The following OLFM2 variants were observed in gnomAD, a reference collection of about 807,000 sequenced individuals.
OLFM2 encodes the protein olfactomedin 2, also known as noelin-2.
Under a neutral mutation model 43.9 loss-of-function variants are expected in OLFM2, and 20 were observed. The ratio of observed to expected loss-of-function variants is 0.46; its 90% CI spans 0.32 to 0.66. The LOEUF is 0.66. OLFM2 is among the 30% of genes least tolerant of loss of function. The pLI is 0.04. For synonymous variants in OLFM2, 268 were observed against 278.6 expected (o/e 0.96, Z 0.38); for missense variants, 416 against 643.6 (o/e 0.65, Z 3.83).
At chr19:9,877,170 C>T (rs374785006) in intron 1 of OLFM2, among the ~76,000 whole-genome samples, 1 of 146,164 alleles carries the variant, frequency 6.8e-6, no homozygotes, top group Non-Finnish European at 1.5e-5. Flanking sequence ...GTGAAGGTTG[C>T]GATGAGCCGA....
At position 9,933,701 on chromosome 19, in the gene OLFM2, G is replaced by A. The variant is rs567200205; in HGVS notation, c.63+2603C>T. The stretch of plus-strand genomic sequence containing the variant: ...CTCCCTAGTAGCTGGGATTACAGGC[G>A]CCTGCCACCACACCCAGCTAATTTT... On this transcript the variant is annotated intron_variant, in intron 1 of 5. Transcript: ENST00000264833. 2.4e-3 allele frequency among the ~76,000 whole-genome samples: 361 copies of A among 151,226 alleles called. 2 individuals carry two copies. Among genetic ancestry groups the A allele is most frequent in the Non-Finnish European group, 4.5e-3 (308 of 67,870 alleles).
At chr19:9,901,794 C>G (rs1168778038) in intron 1 of OLFM2, among the ~76,000 whole-genome samples, 2 of 152,184 alleles carry the variant, frequency 1.3e-5, no homozygotes, top group Non-Finnish European at 2.9e-5. Context: ...ACGTTTAGGG[C>G]ACATGTGGAG....
intron 1 of OLFM2, among the ~76,000 whole-genome samples, chr19:9,910,331 A>C (rs543548261): frequency 1.3e-5 from 2 of 152,216 alleles, no homozygotes; most frequent in Non-Finnish European, 1.5e-5. Context: ...GTTTGACTCA[A>C]AAATCTTATC....
chr19:9,889,250 ATT>A (rs1568376758), intron 1 of OLFM2, among the ~76,000 whole-genome samples: 1 of 150,656 alleles, frequency 6.6e-6, no homozygotes, highest in African/African-American at 2.4e-5. Flanking sequence ...TGTTTTTTGT[ATT>A]TTGTTTTTTG....
intron 1 of OLFM2, among the ~76,000 whole-genome samples, chr19:9,934,353 T>A (rs555932037): frequency 6.6e-6 from 1 of 152,242 alleles, no homozygotes; most frequent in East Asian, 1.9e-4. Flanking sequence ...CCGTTGTCCT[T>A]TAGCCCCGCC....
intron 1 of OLFM2, among the ~76,000 whole-genome samples, chr19:9,869,424 C>A (rs763511224): frequency 1.3e-5 from 2 of 152,066 alleles, no homozygotes; most frequent in Admixed American, 6.6e-5. Context: ...CTTCACCATT[C>A]GCTTGCTGTG....
At chr19:9,904,627 G>A (rs2046769773) in intron 1 of OLFM2, among the ~76,000 whole-genome samples, 1 of 152,020 alleles carries the variant, frequency 6.6e-6, no homozygotes, top group African/African-American at 2.4e-5. Flanking sequence ...TGACTCTGAG[G>A]GGCCTGGTAG....
intron 1 of OLFM2, among the ~76,000 whole-genome samples, chr19:9,912,560 G>A (rs2046835807): frequency 6.6e-6 from 1 of 152,064 alleles, no homozygotes; most frequent in Non-Finnish European, 1.5e-5. Flanking sequence ...CATATCTGGA[G>A]GAGGCCCAGG....
Position 9,857,463 on chromosome 19 carries a change from G to A in OLFM2, c.380C>T (p.Thr127Met), listed in dbSNP as rs11556087. Residue 127 changes from threonine (T) to methionine (M), a missense_variant, in exon 4 of 6, where the codon ACG (threonine) becomes ATG (methionine). Physicochemically the swap from Thr to Met is moderately conservative, Grantham distance 81. Coordinates refer to ENST00000264833, the MANE Select transcript of OLFM2 (RefSeq NM_058164.4). This position sits in a 1 kb window ranked among gnomAD's most constrained non-coding sequence, Gnocchi z 5.7. ...KSFQELKDRM[T>M]ELLPLSSVLE... The stretch of plus-strand genomic sequence containing the variant: ...GACCGAGCTCAGGGGCAACAGTTCC[G>A]TCATCCTGTCCTTCAGCTCCTGTGC... The A allele has an allele frequency of 0.2, 318,636 of 1,613,302 alleles. 36,008 individuals carry two copies. Among genetic ancestry groups the A allele is most frequent in the Non-Finnish European group, 0.23 (273,487 of 1,179,632 alleles).
At chr19:9,929,906 G>A (rs1424846439) in intron 1 of OLFM2, among the ~76,000 whole-genome samples, 1 of 152,118 alleles carries the variant, frequency 6.6e-6, no homozygotes, top group Non-Finnish European at 1.5e-5. Flanking sequence ...GGATGTGGTG[G>A]TGCATGCCCG....
rs922201030 is a variant in OLFM2, at chr19:9,856,392, C to T, written c.687+415G>A. Among the ~76,000 whole-genome samples the T allele has an allele frequency of 6.6e-6, 1 of 152,164 alleles. No individual in the cohort carries two copies. Among genetic ancestry groups the T allele is most frequent in the Admixed American group, 6.5e-5 (1 of 15,282 alleles). On this transcript the variant is annotated intron_variant, in intron 5 of 5. Transcript: ENST00000264833. The surrounding 1 kb of genome is among the most constrained non-coding windows in gnomAD (Gnocchi z 4.0). ...GGATTACAGGCATGAGCCACCATGC[C>T]CAGCCTCATGGATGGTTCTTGTGTG...
intron 1 of OLFM2, among the ~76,000 whole-genome samples, chr19:9,864,334 T>C (rs1051967734): frequency 6.6e-6 from 1 of 152,214 alleles, no homozygotes; most frequent in Non-Finnish European, 1.5e-5. Context: ...AGACTCTCGC[T>C]GTGTCTCCCA....
At chr19:9,882,652 G>A (rs573608946) in intron 1 of OLFM2, among the ~76,000 whole-genome samples, 28 of 152,006 alleles carry the variant, frequency 1.8e-4, no homozygotes, top group Admixed American at 1.8e-3. Context: ...GCTCACACTC[G>A]TAATCCCAGC....
At chr19:9,900,644 G>A (rs1034056221) in intron 1 of OLFM2, among the ~76,000 whole-genome samples, 13 of 151,688 alleles carry the variant, frequency 8.6e-5, no homozygotes, top group African/African-American at 2.4e-4. Context: ...CTGGTGAAGC[G>A]CTTCGGGTGG....
chr19:9,883,715 G>A (rs532681694), intron 1 of OLFM2, among the ~76,000 whole-genome samples: 2 of 152,248 alleles, frequency 1.3e-5, no homozygotes, highest in Non-Finnish European at 2.9e-5. Context: ...GCCATGGCAT[G>A]CACCAAAGAG....
At chr19:9,871,817 A>G (rs2046444973) in intron 1 of OLFM2, among the ~76,000 whole-genome samples, 1 of 152,184 alleles carries the variant, frequency 6.6e-6, no homozygotes, top group Non-Finnish European at 1.5e-5. Context: ...TTTGCTGTGC[A>G]AACAATTCAT....
chr19:9,913,600 G>A, intron 1 of OLFM2: 1 of 1,307,530 alleles, frequency 7.6e-7, no homozygotes, highest in Non-Finnish European at 9.8e-7. Flanking sequence ...CCCCGATCTT[G>A]AGCAGCGGCA....
intron 1 of OLFM2, among the ~76,000 whole-genome samples, chr19:9,920,741 C>CAAAAAAAAAAAAA (rs557455889): frequency 4.7e-5 from 6 of 126,638 alleles, no homozygotes; most frequent in African/African-American, 1.4e-4. Context: ...ACTAAACATA[C>CAAAAAAAAAAAAA]AAAAAAAAAA....
chr19:9,900,740 G>T (rs371801114), intron 1 of OLFM2, among the ~76,000 whole-genome samples: 1 of 151,102 alleles, frequency 6.6e-6, no homozygotes, highest in Non-Finnish European at 1.5e-5. Flanking sequence ...AAAAATTAAA[G>T]ATTAGCTGAG....
Sources: gnomAD v4.1 joint callset for allele counts (sites outside exome capture counted in the v4.1 genomes callset) on GRCh38, gnomAD v4.1.1 for gene constraint, Gnocchi (gnomAD v3.1) non-coding constraint, MANE v1.5 for transcripts, NCBI Gene and HGNC (gene_info 2026-07-23, HGNC 2026-07-21) for gene names.